Variants in PLA2G4A observed in about 807,000 individuals in gnomAD.
PLA2G4A encodes phospholipase A2 group IVA, also known as cytosolic phospholipase A2.
PLA2G4A carries 40 observed loss-of-function variants against 81.9 expected under a neutral mutation model. That is an observed-to-expected ratio of 0.49 (90% confidence interval 0.38 to 0.64). PLA2G4A has a LOEUF of 0.64. Among genes scored for constraint, PLA2G4A ranks in the 30% least tolerant of loss-of-function variants. PLA2G4A has a pLI of 0.00. For synonymous variants in PLA2G4A, 302 were observed against 296.9 expected (o/e 1.02, Z -0.18); for missense variants, 715 against 905.1 (o/e 0.79, Z 2.69).
chr1:186,914,893 ACC>A (rs1396782459), intron 7 of PLA2G4A, among the ~76,000 whole-genome samples: 3 of 152,030 alleles, frequency 2.0e-5, no homozygotes, highest in African/African-American at 7.3e-5. Context: ...CATTTTTACT[ACC>A]CATGTCTTCT....
chr1:186,979,491 C>T lies in PLA2G4A; in HGVS notation c.2118+19C>T. ...CATTGATGTAAGTATCTCCTATGGCCATTGACTATGTCAAATGACTTCCAT... is the reference window on the plus strand; with the variant it reads ...CATTGATGTAAGTATCTCCTATGGCTATTGACTATGTCAAATGACTTCCAT... On this transcript the variant is annotated intron_variant, in intron 17 of 17. Coordinates refer to ENST00000367466, the MANE Select transcript of PLA2G4A (RefSeq NM_024420.3). 6.7e-7 allele frequency: 1 copy of T among 1,494,304 alleles called. No homozygotes were observed. The highest frequency in any genetic ancestry group is 9.3e-7 in the Non-Finnish European group (1 of 1,070,712). 92.6% of individuals were successfully genotyped at this position (1,494,304 alleles called of 1,614,324 possible). A position where few individuals can be genotyped will look rare whatever the true frequency, so the allele number is the denominator to read the frequency against.
intron 1 of PLA2G4A, among the ~76,000 whole-genome samples, chr1:186,850,045 C>T (rs1464850805): frequency 6.6e-6 from 1 of 152,058 alleles, no homozygotes; most frequent in Non-Finnish European, 1.5e-5. Context: ...GATAGAAATT[C>T]AATTTTGCAA....
intron 1 of PLA2G4A, among the ~76,000 whole-genome samples, chr1:186,849,048 CT>C (rs1233450113): frequency 6.6e-6 from 1 of 151,964 alleles, no homozygotes; most frequent in Non-Finnish European, 1.5e-5. Flanking sequence ...ACTTGTTCTG[CT>C]TTTTTTAAAT....
intron 1 of PLA2G4A, among the ~76,000 whole-genome samples, chr1:186,852,712 T>A (rs1362546265): frequency 6.6e-6 from 1 of 151,946 alleles, no homozygotes; most frequent in Non-Finnish European, 1.5e-5. Context: ...TCTAATCACC[T>A]CTCAAAGGCC....
At chr1:186,956,384 G>T in intron 14 of PLA2G4A, 40 bp downstream of exon 14, 1 of 1,562,080 alleles carries the variant, frequency 6.4e-7, no homozygotes, top group Non-Finnish European at 8.8e-7. Context: ...TAATGCAGGA[G>T]ATCTTTATTC....
intron 5 of PLA2G4A, among the ~76,000 whole-genome samples, chr1:186,896,954 T>C (rs991726018): frequency 5.3e-5 from 8 of 152,064 alleles, no homozygotes; most frequent in African/African-American, 1.9e-4. Context: ...GCCTCTGCCC[T>C]CAGCTTGGAA....
chr1:186,957,982 C>G (rs1314685557), intron 14 of PLA2G4A, among the ~76,000 whole-genome samples: 1 of 152,138 alleles, frequency 6.6e-6, no homozygotes, highest in African/African-American at 2.4e-5. Flanking sequence ...TTTTCTACTG[C>G]CTTTTGTTTA....
rs1654247880 is a variant in PLA2G4A at position 186,894,079 on chromosome 1, T to A, written c.265-19T>A. 1 of 934,644 alleles carries A rather than the reference T, an allele frequency of 1.1e-6. No individual in the cohort carries two copies. The highest frequency in any genetic ancestry group is 1.8e-6 in the Non-Finnish European group (1 of 559,136). 57.9% of individuals were successfully genotyped at this position (934,644 alleles called of 1,614,324 possible). On this transcript the variant is annotated intron_variant, in intron 4 of 17. Transcript: ENST00000367466. ...TCCATGGGAAATTTTATTTTTGTGC[T>A]TTACATTTTACTCTGTAGATTACGT...
chr1:186,841,376 A>C (rs553940132), intron 1 of PLA2G4A, among the ~76,000 whole-genome samples: 1 of 152,204 alleles, frequency 6.6e-6, no homozygotes, highest in Non-Finnish European at 1.5e-5. Context: ...AACTAAAATT[A>C]TATATATGTT....
Position 186,862,307 on chromosome 1 carries a change from C to T in PLA2G4A, c.33+7920C>T, listed in dbSNP as rs12720503. ...TTGGCTCATTGCAGCCTCTGCCTCC[C>T]GGGTTCAAGCGATTCTCTTGCCTCA... On this transcript the variant is annotated intron_variant, in intron 2 of 17. Coordinates refer to ENST00000367466, the MANE Select transcript of PLA2G4A (RefSeq NM_024420.3). 1.7e-3 allele frequency among the ~76,000 whole-genome samples: 248 copies of T among 147,960 alleles called. 1 individual carries two copies. The highest frequency in any genetic ancestry group is 5.6e-3 in the African/African-American group (224 of 39,894).
At chr1:186,900,057 A>C (rs1160060997) in intron 5 of PLA2G4A, among the ~76,000 whole-genome samples, 8 of 152,164 alleles carry the variant, frequency 5.3e-5, no homozygotes, top group Admixed American at 5.2e-4. Flanking sequence ...GCTGCCATTG[A>C]TAAAATCTGG....
At chr1:186,864,054 C>G (rs1473196674) in intron 2 of PLA2G4A, among the ~76,000 whole-genome samples, 1 of 152,140 alleles carries the variant, frequency 6.6e-6, no homozygotes, top group African/African-American at 2.4e-5. Context: ...CATGAGCCAC[C>G]ACTCCTGACC....
At chr1:186,890,527 AC>A (rs1654096314) in intron 3 of PLA2G4A, among the ~76,000 whole-genome samples, 3 of 128,762 alleles carry the variant, frequency 2.3e-5, no homozygotes, top group South Asian at 5.3e-4. Context: ...CACATATCAT[AC>A]CCTGATTCAA....
At chr1:186,919,838 G>A (rs1655281315) in intron 7 of PLA2G4A, among the ~76,000 whole-genome samples, 2 of 152,210 alleles carry the variant, frequency 1.3e-5, no homozygotes, top group South Asian at 2.1e-4. Flanking sequence ...CCAAGCGCAA[G>A]TCCTGTACTG....
At chr1:186,877,569 T>G (rs1480162937) in intron 3 of PLA2G4A, among the ~76,000 whole-genome samples, 1 of 151,804 alleles carries the variant, frequency 6.6e-6, no homozygotes, top group Middle Eastern at 3.2e-3. Context: ...ATCTCCATTG[T>G]TAAACACTTT....
intron 4 of PLA2G4A, 43 bp downstream of exon 4, chr1:186,893,202 G>A: frequency 6.5e-7 from 1 of 1,541,812 alleles, no homozygotes; most frequent in Non-Finnish European, 9.0e-7. Context: ...TGTGATTCAT[G>A]TTGAGAGACA....
intron 2 of PLA2G4A, among the ~76,000 whole-genome samples, chr1:186,868,922 CTTT>C (rs779852874): frequency 2.1e-5 from 3 of 140,630 alleles, no homozygotes; most frequent in Admixed American, 7.1e-5. Flanking sequence ...CTCTCTCATC[CTTT>C]TTTTTTTTTT....
chr1:186,973,216 C>T (rs985006296), intron 15 of PLA2G4A, among the ~76,000 whole-genome samples: 1 of 152,200 alleles, frequency 6.6e-6, no homozygotes, highest in East Asian at 1.9e-4. Flanking sequence ...GGGATGTCCT[C>T]TCTCTAAAGC....
At chr1:186,871,728 A>AT (rs1397860495) in intron 3 of PLA2G4A, among the ~76,000 whole-genome samples, 9 of 152,080 alleles carry the variant, frequency 5.9e-5, no homozygotes, top group African/African-American at 1.9e-4. Context: ...TAGGACTGAG[A>AT]TTTTTTCATT....
Sources: gnomAD v4.1 joint callset for allele counts (sites outside exome capture counted in the v4.1 genomes callset) on GRCh38, gnomAD v4.1.1 for gene constraint, MANE v1.5 for transcripts, NCBI Gene and HGNC (gene_info 2026-07-23, HGNC 2026-07-21) for gene names.